ASB4: variants seen among roughly 807,000 people sequenced by gnomAD.
ASB4 encodes ankyrin repeat and SOCS box protein 4.
Under a neutral mutation model 38.6 loss-of-function variants are expected in ASB4, and 35 were observed. The observed-to-expected ratio is 0.91, with a 90% CI of 0.69 to 1.20. ASB4 has a LOEUF of 1.20. Ranked by LOEUF, ASB4 falls within the 50% of genes most tolerant of loss-of-function variation. The pLI, the probability that ASB4 is intolerant of heterozygous loss-of-function variation, is 0.00. For synonymous variants in ASB4, 195 were observed against 201.3 expected (o/e 0.97, Z 0.26); for missense variants, 557 against 527.2 (o/e 1.06, Z -0.55).
chr7:95,507,154 T>G (rs11772047), intron 2 of ASB4, among the ~76,000 whole-genome samples: 48,391 of 151,898 alleles, frequency 0.32, 8,344 homozygotes, highest in Middle Eastern at 0.46. Context: ...TTGTTTGTTT[T>G]TTTGCTGCAG....
At chr7:95,528,441 A>G in intron 3 of ASB4, 138 bp downstream of exon 3, 5 of 1,493,014 alleles carry the variant, frequency 3.3e-6, no homozygotes, top group South Asian at 1.4e-5. Context: ...CTTCCATTAC[A>G]TACCTAATCC....
chr7:95,519,965 C>T, intron 2 of ASB4, among the ~76,000 whole-genome samples: 1 of 151,368 alleles, frequency 6.6e-6, no homozygotes, highest in Middle Eastern at 3.2e-3. Flanking sequence ...AACAATGTTT[C>T]AAAACAGAGT....
chr7:95,522,822 TC>T (rs1385952512), intron 2 of ASB4, among the ~76,000 whole-genome samples: 2 of 152,204 alleles, frequency 1.3e-5, no homozygotes, highest in Non-Finnish European at 2.9e-5. Context: ...AATTCCCTCT[TC>T]TTTATCATGC....
upstream of ASB4, among the ~76,000 whole-genome samples, chr7:95,475,675 T>A (rs1789970501): frequency 6.6e-6 from 1 of 152,218 alleles, no homozygotes; most frequent in Non-Finnish European, 1.5e-5. Context: ...TGAGCCACCG[T>A]GCCCGGCCTT....
At chr7:95,542,762 C>T (rs760437475), downstream of ASB4, 1 of 152,176 alleles carries the variant, frequency 6.6e-6, no homozygotes, top group Admixed American at 6.5e-5. Flanking sequence ...GACACTAAGT[C>T]GTTTAAGTGA....
intron 2 of ASB4, among the ~76,000 whole-genome samples, chr7:95,527,239 C>A (rs1445023102): frequency 5.3e-5 from 8 of 151,972 alleles, no homozygotes; most frequent in Admixed American, 5.2e-4. Flanking sequence ...GGTGGTGCTG[C>A]GTTCCAAGAA....
intron 2 of ASB4, among the ~76,000 whole-genome samples, chr7:95,515,205 CTTTCTTTCTTTCTTTCTTTCTTTCTT>C (rs1790546076): frequency 7.7e-6 from 1 of 130,040 alleles, no homozygotes; most frequent in Non-Finnish European, 1.6e-5. Flanking sequence ...TTCTTTCTTT[CTTTCTTTCTTTCTTTCTTTCTTTCTT>C]TTTCTTTCTT....
rs35506436 is a variant in ASB4, at chr7:95,495,738, C to CTT, written c.188-5_188-4dup. 7,523 of 1,437,936 alleles carry CTT rather than the reference C, an allele frequency of 5.2e-3. 1 individual carries two copies. Among genetic ancestry groups the CTT allele is most frequent in the South Asian group, 9.7e-3 (728 of 74,818 alleles). The allele number at this position is 1,437,936 out of a possible 1,614,324, so 89.1% of individuals were successfully genotyped here. ...GTCAAGAAGTTAAACTTTCCTTTTC[C>CTT]TTTTTTTTTTTTTTTTCAGGTTACT... On this transcript the variant is annotated intron_variant, in intron 1 of 4. Transcript: ENST00000325885.
chr7:95,537,477 A>G, intron 4 of ASB4, 94 bp from the exon 5 acceptor site: 2 of 1,095,458 alleles, frequency 1.8e-6, no homozygotes, highest in Non-Finnish European at 2.6e-6. Context: ...GGAAGCTGCC[A>G]TTACGTATAG....
intron 2 of ASB4, among the ~76,000 whole-genome samples, chr7:95,502,672 C>T (rs531948049): frequency 6.6e-6 from 1 of 152,302 alleles, no homozygotes; most frequent in East Asian, 1.9e-4. Context: ...AAATTAGAGA[C>T]TTTCTCCTAA....
At chr7:95,534,258 G>A (rs749973401) in intron 3 of ASB4, among the ~76,000 whole-genome samples, 9 of 151,796 alleles carry the variant, frequency 5.9e-5, no homozygotes, top group Non-Finnish European at 1.0e-4. Context: ...CAGGAGAATC[G>A]CTTGAACCCA....
At chr7:95,497,388 G>A (rs935674200) in intron 2 of ASB4, among the ~76,000 whole-genome samples, 1 of 152,148 alleles carries the variant, frequency 6.6e-6, no homozygotes, top group African/African-American at 2.4e-5. Flanking sequence ...TTGGGATTCA[G>A]AGATGGATTG....
upstream of ASB4, among the ~76,000 whole-genome samples, chr7:95,477,893 G>A (rs1433259904): frequency 6.6e-6 from 1 of 151,780 alleles, no homozygotes; most frequent in South Asian, 2.1e-4. Flanking sequence ...ATTCCTAACT[G>A]CAGCTTTGTC....
chr7:95,490,477 C>G (rs556258601), intron 1 of ASB4, among the ~76,000 whole-genome samples: 1 of 152,328 alleles, frequency 6.6e-6, no homozygotes, highest in South Asian at 2.1e-4. Flanking sequence ...AGTCTGTAAT[C>G]CTTCAGGACT....
chr7:95,485,368 C>T (rs973962766), upstream of ASB4, among the ~76,000 whole-genome samples: 5 of 152,180 alleles, frequency 3.3e-5, no homozygotes, highest in African/African-American at 7.2e-5. Context: ...GTCCCTGCCC[C>T]GGACCGTCTC....
intron 3 of ASB4, among the ~76,000 whole-genome samples, chr7:95,533,501 A>G (rs947019145): frequency 6.6e-6 from 1 of 152,170 alleles, no homozygotes; most frequent in Non-Finnish European, 1.5e-5. Context: ...CCCAACTCCC[A>G]GTGACTTGAC....
chr7:95,522,059 C>T (rs1019073125), intron 2 of ASB4, among the ~76,000 whole-genome samples: 2 of 152,072 alleles, frequency 1.3e-5, no homozygotes, highest in Admixed American at 6.6e-5. Context: ...TTGACTATTT[C>T]ATAATTCATT....
rs887646351 is a variant in ASB4, at chr7:95,536,296, T to G, written c.979-141T>G. ...AACTCTTGGGCTCAAGCAATCCTCC[T>G]GCCTCAGTCTCCCAAGTAGCTGGGA... On this transcript the variant is annotated intron_variant, in intron 3 of 4. Transcript: ENST00000325885. 28 of 550,318 alleles carry G rather than the reference T, an allele frequency of 5.1e-5. No homozygotes were observed. In the African/African-American group the frequency reaches 5.1e-4, roughly 10 times the overall value. The allele number at this position is 550,318 out of a possible 1,614,324, so 34.1% of individuals were successfully genotyped here.
At chr7:95,544,469 A>G (rs760968799), downstream of ASB4, 2 of 152,224 alleles carry the variant, frequency 1.3e-5, no homozygotes, top group Admixed American at 6.5e-5. Flanking sequence ...CAAAAATACA[A>G]AGAAGCTGAA....
Sources: allele counts gnomAD v4.1 joint callset (sites outside exome capture counted in the v4.1 genomes callset), GRCh38; gene constraint gnomAD v4.1.1; transcripts MANE v1.5; gene names NCBI Gene and HGNC (gene_info 2026-07-23, HGNC 2026-07-21).